Variants in WDR5 observed in about 807,000 individuals in gnomAD.
WDR5 encodes WD repeat-containing protein 5.
For missense variants in WDR5, 187 were observed against 416.9 expected (o/e 0.45, Z 4.80); for synonymous variants, 144 against 161.6 (o/e 0.89, Z 0.83).
At chr9:134,138,891 G>A (rs2132523191) in intron 1 of WDR5, among the ~76,000 whole-genome samples, 1 of 152,336 alleles carries the variant, frequency 6.6e-6, no homozygotes, top group East Asian at 1.9e-4. Flanking sequence ...GTATTTGCAA[G>A]CATGTCTCAG....
intron 5 of WDR5, 126 bp downstream of exon 5, chr9:134,142,164 G>T: frequency 1.0e-6 from 1 of 956,908 alleles, no homozygotes; most frequent in South Asian, 1.6e-5. Flanking sequence ...ACTGGCTGCA[G>T]GGGCATGGGG....
In WDR5 at chr9:134,139,824, CCT is replaced by C. The variant is rs778501444; in HGVS notation, c.-51_-50del. ...GTTCTGCATCTCGCTCAACAGACTG[CCT>C]CTGTCACCGGGTCCCTCCACCCTTG... On this transcript the variant is annotated 5_prime_UTR_variant, in exon 2 of 14. Coordinates refer to ENST00000358625, the MANE Select transcript of WDR5 (RefSeq NM_017588.3). 1.9e-6 allele frequency: 3 copies of C among 1,587,010 alleles called. No homozygotes were observed. The highest frequency in any genetic ancestry group is 2.6e-6 in the Non-Finnish European group (3 of 1,156,800).
At chr9:134,148,751 G>A (rs1404453882) in intron 8 of WDR5, among the ~76,000 whole-genome samples, 1 of 152,170 alleles carries the variant, frequency 6.6e-6, no homozygotes, top group Admixed American at 6.5e-5. Context: ...ATCCCGGGCA[G>A]GTGAACCCAA....
At chr9:134,141,767 G>T (rs1831901442) in intron 4 of WDR5, among the ~76,000 whole-genome samples, 182 bp from the exon 5 acceptor site, 1 of 152,164 alleles carries the variant, frequency 6.6e-6, no homozygotes, top group Non-Finnish European at 1.5e-5. Context: ...ATGGAGGAGT[G>T]TCTGTGAGGC....
intron 9 of WDR5, among the ~76,000 whole-genome samples, chr9:134,153,841 C>T (rs34062061): frequency 0.062 from 9,416 of 152,192 alleles, 545 homozygotes; most frequent in African/African-American, 0.15. Flanking sequence ...AGAGGAGATG[C>T]CTTCCTCCAC....
chr9:134,154,459 A>G lies in WDR5; in HGVS notation c.632-7A>G, dbSNP rs1262736383. Reference sequence around the variant, plus strand: ...CGCCGTGTGTCACCTGTCCGTTTTTATTGCAGATGACGACAACCCCCCCGT... The same window carrying G: ...CGCCGTGTGTCACCTGTCCGTTTTTGTTGCAGATGACGACAACCCCCCCGT... On this transcript the variant is annotated splice_polypyrimidine_tract_variant and splice_region_variant and intron_variant, in intron 9 of 13. Coordinates refer to ENST00000358625, the MANE Select transcript of WDR5 (RefSeq NM_017588.3). The G allele has an allele frequency of 3.7e-6, 6 of 1,614,050 alleles. No homozygotes were observed. Among genetic ancestry groups the G allele is most frequent in the Non-Finnish European group, 5.1e-6 (6 of 1,179,982 alleles).
intron 1 of WDR5, among the ~76,000 whole-genome samples, 198 bp downstream of exon 1, chr9:134,136,398 T>G (rs1588164792): frequency 2.7e-5 from 4 of 148,520 alleles, no homozygotes; most frequent in South Asian, 2.2e-4. Context: ...GCGCGCGCAG[T>G]TCCCTCCACC....
At chr9:134,137,765 C>T (rs1339729896) in intron 1 of WDR5, among the ~76,000 whole-genome samples, 4 of 152,192 alleles carry the variant, frequency 2.6e-5, no homozygotes, top group East Asian at 3.9e-4. Flanking sequence ...GCATTCCCCG[C>T]CACCCCCCGA....
rs142329664 is a variant in WDR5, at chr9:134,144,750, T to C, written c.528+2031T>C. ...AGCTACTTGGAGGACGGTGGGAGGA[T>C]TGCTTGGGCCCAGGAGTTTGAGGCT... On this transcript the variant is annotated intron_variant, in intron 7 of 13. Coordinates refer to ENST00000358625, the MANE Select transcript of WDR5 (RefSeq NM_017588.3). Among the ~76,000 whole-genome samples the C allele has an allele frequency of 3.1e-3, 466 of 152,018 alleles. 4 individuals are homozygous for C. The highest frequency in any genetic ancestry group is 0.011 in the African/African-American group (437 of 41,482).
At chr9:134,142,065 A>G (rs1463571571) in intron 5 of WDR5, 27 bp downstream of exon 5, 27 of 1,602,956 alleles carry the variant, frequency 1.7e-5, no homozygotes, top group Non-Finnish European at 2.2e-5. Flanking sequence ...GCTTCTCTCC[A>G]GGGGAGACCG....
intron 7 of WDR5, among the ~76,000 whole-genome samples, chr9:134,144,469 G>A (rs1047754710): frequency 6.6e-6 from 1 of 152,224 alleles, no homozygotes; most frequent in Non-Finnish European, 1.5e-5. Flanking sequence ...CAAAGATAGC[G>A]CAGGTGGGAC....
At chr9:134,148,186 CTTTT>C (rs34443303) in intron 7 of WDR5, 98 bp from the exon 8 acceptor site, 3,949 of 284,486 alleles carry the variant, frequency 0.014, 25 homozygotes, top group Middle Eastern at 0.019. Flanking sequence ...ATAACTCAGT[CTTTT>C]TTTTTTTTTT....
intron 9 of WDR5, among the ~76,000 whole-genome samples, chr9:134,153,121 A>G (rs1832576480): frequency 6.6e-6 from 1 of 152,070 alleles, no homozygotes; most frequent in South Asian, 2.1e-4. Context: ...CCTGATTGAG[A>G]TCACACCGCA....
rs143138144 is a variant in WDR5, at chr9:134,139,076, C to T, written c.-58-744C>T. Among the ~76,000 whole-genome samples the T allele has an allele frequency of 7.5e-4, 114 of 152,252 alleles. No individual in the cohort carries two copies. The East Asian group carries it at 0.012, about 16-fold the overall frequency. Reference sequence around the variant, plus strand: ...AACCGATTGAACTGCAGTCTTTTTTCGTTCCCCTGCAGTGTGAGTCCTGCT... The same window carrying T: ...AACCGATTGAACTGCAGTCTTTTTTTGTTCCCCTGCAGTGTGAGTCCTGCT... On this transcript the variant is annotated intron_variant, in intron 1 of 13. Transcript: ENST00000358625.
intron 8 of WDR5, among the ~76,000 whole-genome samples, chr9:134,149,101 G>T (rs112275252): frequency 6.6e-6 from 1 of 152,176 alleles, no homozygotes; most frequent in African/African-American, 2.4e-5. Flanking sequence ...AGGTGGACAC[G>T]CACACTCGAA....
At chr9:134,150,006 C>T (rs1241298134) in intron 8 of WDR5, among the ~76,000 whole-genome samples, 1 of 152,206 alleles carries the variant, frequency 6.6e-6, no homozygotes, top group African/African-American at 2.4e-5. Flanking sequence ...GACTTTGTAT[C>T]TGAATCCAGT....
Position 134,158,468 on chromosome 9 carries a change from G to C in WDR5, c.*475G>C, listed in dbSNP as rs1832851936. ...CGTAGATGCCCTGGCCCAGGGCCCT[G>C]ACTCCTCCATTCCCGCCAGTAGCTG... On this transcript the variant is annotated 3_prime_UTR_variant, in exon 14 of 14. Transcript: ENST00000358625. 6.5e-6 allele frequency: 1 copy of C among 153,740 alleles called. No individual in the cohort carries two copies. Among genetic ancestry groups the C allele is most frequent in the Non-Finnish European group, 1.4e-5 (1 of 69,146 alleles). The allele number at this position is 153,740 out of a possible 1,614,324, so 9.5% of individuals were successfully genotyped here.
rs566240665 is a variant in WDR5 at position 134,146,141 on chromosome 9, A to C, written c.529-2147A>C. Among the ~76,000 whole-genome samples, 5 of 147,294 alleles carry C rather than the reference A, an allele frequency of 3.4e-5. No homozygotes were observed. In the East Asian group the frequency reaches 1.0e-3, roughly 30 times the overall value. ...CACCATGCCCGGCTAATTTTTTTTT[A>C]TATTTTTAGTAGAGATGGGGTTTCA... On this transcript the variant is annotated intron_variant, in intron 7 of 13. Coordinates refer to ENST00000358625, the MANE Select transcript of WDR5 (RefSeq NM_017588.3).
At chr9:134,152,153 C>G in intron 9 of WDR5, 124 bp downstream of exon 9, 4 of 1,143,392 alleles carry the variant, frequency 3.5e-6, no homozygotes, top group Non-Finnish European at 3.7e-6. Context: ...GCAGGAGGAA[C>G]CTTCCTCCGT....
Sources: gnomAD v4.1 joint callset for allele counts (sites outside exome capture counted in the v4.1 genomes callset) on GRCh38, gnomAD v4.1.1 for gene constraint, MANE v1.5 for transcripts, NCBI Gene and HGNC (gene_info 2026-07-23, HGNC 2026-07-21) for gene names.